Variants in SEZ6L observed in about 807,000 individuals in gnomAD.
The protein encoded by SEZ6L is seizure related 6 homolog like.
SEZ6L carries 37 observed loss-of-function variants against 106.2 expected under a neutral mutation model. The ratio of observed to expected loss-of-function variants is 0.35; its 90% CI spans 0.27 to 0.46. SEZ6L has a LOEUF of 0.46. Ranked by LOEUF, SEZ6L falls within the 20% of genes least tolerant of loss-of-function variation. The pLI, the probability that SEZ6L is intolerant of heterozygous loss-of-function variation, is 1.00. For synonymous variants in SEZ6L, 541 were observed against 570.4 expected (o/e 0.95, Z 0.73); for missense variants, 1,172 against 1,332.8 (o/e 0.88, Z 1.88).
intron 1 of SEZ6L, among the ~76,000 whole-genome samples, chr22:26,234,981 T>G (rs780953454): frequency 6.6e-6 from 1 of 152,220 alleles, no homozygotes; most frequent in Non-Finnish European, 1.5e-5. Flanking sequence ...CAATAAATGT[T>G]AGTGTCTTAT....
intron 1 of SEZ6L, among the ~76,000 whole-genome samples, chr22:26,192,813 G>C (rs1387936088): frequency 8.5e-5 from 13 of 152,130 alleles, no homozygotes; most frequent in Admixed American, 5.2e-4. Flanking sequence ...TTATGCAAAA[G>C]GCCTATCTGG....
intron 1 of SEZ6L, among the ~76,000 whole-genome samples, chr22:26,223,667 A>G (rs2078551246): frequency 6.6e-6 from 1 of 152,246 alleles, no homozygotes; most frequent in Non-Finnish European, 1.5e-5. Context: ...GGAGATAACA[A>G]TAGAACCCAC....
intron 1 of SEZ6L, among the ~76,000 whole-genome samples, chr22:26,227,935 G>T (rs557063694): frequency 6.6e-6 from 1 of 152,322 alleles, no homozygotes; most frequent in Non-Finnish European, 1.5e-5. Flanking sequence ...ACGTGCCAAT[G>T]GCCACAGAAG....
At chr22:26,369,487 C>A (rs973489536) in intron 13 of SEZ6L, among the ~76,000 whole-genome samples, 5 of 151,448 alleles carry the variant, frequency 3.3e-5, no homozygotes, top group African/African-American at 1.2e-4. Flanking sequence ...ACTACAGGCG[C>A]CCGCCACCAC....
chr22:26,350,513 T>C (rs182577695), intron 11 of SEZ6L, among the ~76,000 whole-genome samples: 89 of 152,160 alleles, frequency 5.8e-4, no homozygotes, highest in Non-Finnish European at 1.2e-3. Flanking sequence ...ATTACAGGCA[T>C]GAGCTACCGT....
rs75263260 is a variant in SEZ6L, at chr22:26,380,255, C to G, written c.3046-11C>G. ...AAGCGTTTGACAAATCCGTGCTTCTCTCTCTTGCAGGAAACCAGAGAGTAT... is the reference window on the plus strand; with the variant it reads ...AAGCGTTTGACAAATCCGTGCTTCTGTCTCTTGCAGGAAACCAGAGAGTAT... On this transcript the variant is annotated splice_polypyrimidine_tract_variant and intron_variant, in intron 16 of 16. Transcript: ENST00000248933. 1.8e-3 allele frequency: 2,891 copies of G among 1,613,480 alleles called. 36 individuals carry two copies. In the African/African-American group the frequency reaches 0.034, roughly 19 times the overall value.
chr22:26,372,069 C>T (rs1477401016), intron 13 of SEZ6L, among the ~76,000 whole-genome samples: 2 of 152,148 alleles, frequency 1.3e-5, no homozygotes, highest in Admixed American at 1.3e-4. Context: ...GAGTGAGCCC[C>T]CCTCCCTCTC....
rs5761474 is a variant in SEZ6L at position 26,325,420 on chromosome 22, C to T, written c.2015+11518C>T. On this transcript the variant is annotated intron_variant, in intron 9 of 16. Coordinates refer to ENST00000248933, the MANE Select transcript of SEZ6L (RefSeq NM_021115.5). ...AGCATCATTATCCCCATTTTACAGA[C>T]GAGGAAACCGAGGCTCAGAGAGCTG... 3.0e-4 allele frequency among the ~76,000 whole-genome samples: 46 copies of T among 152,228 alleles called. No homozygotes were observed. In the East Asian group the frequency reaches 6.2e-3, roughly 20 times the overall value.
intron 12 of SEZ6L, among the ~76,000 whole-genome samples, chr22:26,352,908 G>A (rs1477541996): frequency 6.6e-6 from 1 of 152,190 alleles, no homozygotes; most frequent in Non-Finnish European, 1.5e-5. Context: ...CATAAATTCA[G>A]CTTCCCCAGC....
intron 1 of SEZ6L, among the ~76,000 whole-genome samples, chr22:26,214,656 C>G (rs1435598712): frequency 2.6e-5 from 4 of 152,182 alleles, no homozygotes; most frequent in African/African-American, 9.7e-5. Flanking sequence ...ACAGCAACAC[C>G]TTGTTTTTTT....
At position 26,292,637 on chromosome 22, in the gene SEZ6L, C is replaced by A; in HGVS notation, c.326C>A (p.Pro109His). 6.2e-7 allele frequency: 1 copy of A among 1,613,152 alleles called. No individual in the cohort carries two copies. The highest frequency in any genetic ancestry group is 8.5e-7 in the Non-Finnish European group (1 of 1,179,750). Residue 109 changes from proline (P) to histidine (H), a missense_variant, in exon 2 of 17, where the codon CCC (proline) becomes CAC (histidine). This residue lies in a region of SEZ6L where 494 missense variants were observed against 445.8 expected (regional missense o/e 1.11). Coordinates refer to ENST00000248933, the MANE Select transcript of SEZ6L (RefSeq NM_021115.5). ...CCGCTGCTTCCAGAGGAGGCCCGCC[C>A]CAAGCACGCCTTGCCCCCCAAGAAG... ...LSPLLPEEAR[P>H]KHALPPKKKL...
chr22:26,177,173 G>T (rs1182362513), intron 1 of SEZ6L, among the ~76,000 whole-genome samples: 1 of 152,190 alleles, frequency 6.6e-6, no homozygotes, highest in Non-Finnish European at 1.5e-5. Flanking sequence ...GTCTTAGGCA[G>T]CCTGTATAAA....
In SEZ6L at chr22:26,279,657, G is replaced by A. The variant is rs2145855948; in HGVS notation, c.95-12749G>A. On this transcript the variant is annotated intron_variant, in intron 1 of 16. Coordinates refer to ENST00000248933, the MANE Select transcript of SEZ6L (RefSeq NM_021115.5). ...GGATGGGGCCAGGGCACTTGGTCTT[G>A]TGTGAGTAATGTCTACACCCCGCTT... Among the ~76,000 whole-genome samples the A allele has an allele frequency of 2.0e-5, 3 of 152,312 alleles. 1 individual carries two copies. In the Middle Eastern group the frequency reaches 0.01, roughly 518 times the overall value.
At position 26,280,174 on chromosome 22, in the gene SEZ6L, G is replaced by A. The variant is rs923586638; in HGVS notation, c.95-12232G>A. 2.0e-5 allele frequency among the ~76,000 whole-genome samples: 3 copies of A among 152,210 alleles called. 1 individual carries two copies. In the South Asian group the frequency reaches 6.2e-4, roughly 32 times the overall value. On this transcript the variant is annotated intron_variant, in intron 1 of 16. Transcript: ENST00000248933. ...TTCTTGCTTCACACTGAGTTGTGTT[G>A]ACATACAGCTGTGCCATTCTTTTTA...
At position 26,262,225 on chromosome 22, in the gene SEZ6L, T is replaced by A. The variant is rs1020939858; in HGVS notation, c.95-30181T>A. Among the ~76,000 whole-genome samples the A allele has an allele frequency of 3.8e-5, 5 of 130,758 alleles. 1 individual carries two copies. Among genetic ancestry groups the A allele is most frequent in the African/African-American group, 1.4e-4 (5 of 35,494 alleles). 85.8% of individuals were successfully genotyped at this position (130,758 alleles called of 152,430 possible). On this transcript the variant is annotated intron_variant, in intron 1 of 16. Transcript: ENST00000248933. ...TATATAAAAGATATATATATGCACC[T>A]TTTATATATTGATATATTTTATCTA...
At chr22:26,366,706 TCAAACAAA>T (rs35344967) in intron 13 of SEZ6L, among the ~76,000 whole-genome samples, 42 of 150,818 alleles carry the variant, frequency 2.8e-4, no homozygotes, top group Admixed American at 6.0e-4. Context: ...AGACTCTGTC[TCAAACAAA>T]CAAACAAACA....
At chr22:26,216,582 G>T (rs2078305183) in intron 1 of SEZ6L, among the ~76,000 whole-genome samples, 2 of 152,134 alleles carry the variant, frequency 1.3e-5, no homozygotes, top group South Asian at 4.2e-4. Flanking sequence ...TTTGAACCCG[G>T]GAGGCGGAGG....
At chr22:26,270,071 G>A (rs2080314180) in intron 1 of SEZ6L, among the ~76,000 whole-genome samples, 1 of 152,150 alleles carries the variant, frequency 6.6e-6, no homozygotes, top group Admixed American at 6.5e-5. Flanking sequence ...ACACTGCTAA[G>A]CCTGCCTTCA....
At chr22:26,185,947 AG>A (rs1343725120) in intron 1 of SEZ6L, among the ~76,000 whole-genome samples, 1 of 152,138 alleles carries the variant, frequency 6.6e-6, no homozygotes, top group Non-Finnish European at 1.5e-5. Context: ...CCCTCCCCAG[AG>A]GTAGCCCTGT....
Sources: allele counts gnomAD v4.1 joint callset (sites outside exome capture counted in the v4.1 genomes callset), GRCh38; gene constraint gnomAD v4.1.1; regional missense constraint gnomAD v4.1.1; transcripts MANE v1.5; gene names NCBI Gene and HGNC (gene_info 2026-07-23, HGNC 2026-07-21).